TENM3: variants seen among roughly 807,000 people sequenced by gnomAD.
TENM3 encodes teneurin-3.
In TENM3, 63 loss-of-function variants were observed where a neutral mutation model predicts 255.1. The observed-to-expected ratio is 0.25, with a 90% CI of 0.20 to 0.30. The LOEUF (loss-of-function observed/expected upper bound fraction) is 0.30, where lower values mean the gene tolerates loss of function less well. TENM3 is among the 10% of genes least tolerant of loss of function. TENM3 has a pLI of 1.00. For synonymous variants in TENM3, 1,306 were observed against 1,322.3 expected (o/e 0.99, Z 0.27); for missense variants, 2,929 against 3,461.1 (o/e 0.85, Z 3.86).
At chr4:181,592,256 A>AACACACAC in the TENM3 span, among the ~76,000 whole-genome samples, 1,397 of 148,406 alleles carry the variant, frequency 9.4e-3, 11 homozygotes, top group South Asian at 0.03. Flanking sequence ...TTTAAACACA[A>AACACACAC]ACACACACAC....
chr4:181,620,205 G>C, the TENM3 span, among the ~76,000 whole-genome samples: 1 of 152,036 alleles, frequency 6.6e-6, no homozygotes, highest in Non-Finnish European at 1.5e-5. Context: ...AGGCTGCAGT[G>C]AGCTGTCATT....
At chr4:182,092,048 A>G in the TENM3 span, among the ~76,000 whole-genome samples, 106 of 152,348 alleles carry the variant, frequency 7.0e-4, no homozygotes, top group Non-Finnish European at 1.3e-3. Context: ...AAGAACATCA[A>G]GAATAAACTA....
chr4:182,444,025 G>A (rs1203700888), intron 3 of TENM3, among the ~76,000 whole-genome samples: 1 of 152,144 alleles, frequency 6.6e-6, no homozygotes, highest in Non-Finnish European at 1.5e-5. Flanking sequence ...TATGTCTATT[G>A]TGGGTGGATT....
intron 1 of TENM3, among the ~76,000 whole-genome samples, chr4:182,290,811 T>A (rs959658174): frequency 1.4e-5 from 2 of 144,880 alleles, no homozygotes; most frequent in Non-Finnish European, 3.0e-5. Flanking sequence ...CCAAAAAGCC[T>A]TTTAAATAGG....
At chr4:181,921,944 A>AG in the TENM3 span, among the ~76,000 whole-genome samples, 1 of 152,098 alleles carries the variant, frequency 6.6e-6, no homozygotes, top group African/African-American at 2.4e-5. Flanking sequence ...TTTAGCATGA[A>AG]AGTTGTTGAA....
the TENM3 span, among the ~76,000 whole-genome samples, chr4:181,609,464 C>T: frequency 2.0e-5 from 3 of 152,168 alleles, no homozygotes; most frequent in Admixed American, 6.5e-5. Flanking sequence ...AGTGTTCTTA[C>T]CATTAGGAGA....
rs2309777 is a variant in TENM3 at position 182,801,590 on chromosome 4, T to C, written c.*1239T>C. 0.41 allele frequency: 62,577 copies of C among 151,984 alleles called. 14,138 individuals are homozygous for C. Among genetic ancestry groups the C allele is most frequent in the African/African-American group, 0.62 (25,559 of 41,458 alleles). 9.4% of individuals were successfully genotyped at this position (151,984 alleles called of 1,614,324 possible). A position where few individuals can be genotyped will look rare whatever the true frequency, so the allele number is the denominator to read the frequency against. On this transcript the variant is annotated 3_prime_UTR_variant, in exon 28 of 28. Coordinates refer to ENST00000511685, the MANE Select transcript of TENM3 (RefSeq NM_001080477.4). ...GAGACCACATCAGATGCTGGGGAAATAGGAGGAGGAAAGGTTCTGATGTAG... is the reference window on the plus strand; with the variant it reads ...GAGACCACATCAGATGCTGGGGAAACAGGAGGAGGAAAGGTTCTGATGTAG...
At chr4:181,662,285 C>G in the TENM3 span, among the ~76,000 whole-genome samples, 1 of 152,118 alleles carries the variant, frequency 6.6e-6, no homozygotes, top group Non-Finnish European at 1.5e-5. Context: ...GTATTCAATT[C>G]TGAGTTTGCA....
Position 182,357,937 on chromosome 4 carries a change from G to C in TENM3, c.511+11008G>C, listed in dbSNP as rs1765678627. On this transcript the variant is annotated intron_variant, in intron 3 of 27. Transcript: ENST00000511685. ...ATCCAGTTTCAGCTTTCTACATATG[G>C]CTAGCCAGTTTTCCCAGCACCATTT... Among the ~76,000 whole-genome samples, 8 of 150,940 alleles carry C rather than the reference G, an allele frequency of 5.3e-5. No homozygotes were observed. The South Asian group carries it at 1.7e-3, about 31-fold the overall frequency.
intron 3 of TENM3, among the ~76,000 whole-genome samples, chr4:182,369,608 T>A (rs1409365005): frequency 6.6e-6 from 1 of 152,164 alleles, no homozygotes; most frequent in Non-Finnish European, 1.5e-5. Context: ...TGGCCAGGTG[T>A]AGTGGCTCAT....
At chr4:182,486,414 G>A (rs1239420419) in intron 3 of TENM3, among the ~76,000 whole-genome samples, 2 of 151,940 alleles carry the variant, frequency 1.3e-5, no homozygotes, top group Non-Finnish European at 2.9e-5. Flanking sequence ...ATATTAACTG[G>A]CTGGATGGCC....
the TENM3 span, among the ~76,000 whole-genome samples, chr4:181,843,766 C>T: frequency 7.3e-6 from 1 of 136,584 alleles, no homozygotes; most frequent in Non-Finnish European, 1.5e-5. Context: ...GTCGCCCAGG[C>T]TGGAGTGCAG....
At chr4:181,762,845 A>G in the TENM3 span, among the ~76,000 whole-genome samples, 1 of 152,172 alleles carries the variant, frequency 6.6e-6, no homozygotes, top group African/African-American at 2.4e-5. Context: ...CTCTAGTTGT[A>G]TTTGAATTAA....
chr4:182,388,751 GA>G (rs2150967315), intron 3 of TENM3, among the ~76,000 whole-genome samples: 1 of 152,262 alleles, frequency 6.6e-6, no homozygotes, highest in South Asian at 2.1e-4. Flanking sequence ...GATCATAAAG[GA>G]AATTGAATGT....
the TENM3 span, among the ~76,000 whole-genome samples, chr4:181,558,583 T>C: frequency 6.6e-6 from 1 of 152,240 alleles, no homozygotes; most frequent in South Asian, 2.1e-4. Flanking sequence ...TGGATGCATT[T>C]ATGAAATAAT....
intron 1 of TENM3, among the ~76,000 whole-genome samples, chr4:182,271,688 C>A: frequency 6.6e-6 from 1 of 152,176 alleles, no homozygotes; most frequent in South Asian, 2.1e-4. Context: ...ACGGGGCTTC[C>A]CATCTTCAAT....
At chr4:182,370,105 T>A (rs1251326773) in intron 3 of TENM3, among the ~76,000 whole-genome samples, 2 of 152,216 alleles carry the variant, frequency 1.3e-5, no homozygotes, top group African/African-American at 2.4e-5. Context: ...ACAAAGCTAA[T>A]TTTGCAAAGT....
chr4:182,764,324 C>T (rs1458850920), intron 22 of TENM3, among the ~76,000 whole-genome samples: 1 of 152,186 alleles, frequency 6.6e-6, no homozygotes, highest in African/African-American at 2.4e-5. Context: ...CAGCTACTGG[C>T]CTTAGGTGCT....
At chr4:181,854,409 G>A in the TENM3 span, among the ~76,000 whole-genome samples, 4 of 152,128 alleles carry the variant, frequency 2.6e-5, no homozygotes, top group South Asian at 2.1e-4. Context: ...AGGCAAGCTC[G>A]TTCAGAAAAG....
Sources: allele counts gnomAD v4.1 joint callset (sites outside exome capture counted in the v4.1 genomes callset), GRCh38; gene constraint gnomAD v4.1.1; transcripts MANE v1.5; gene names NCBI Gene and HGNC (gene_info 2026-07-23, HGNC 2026-07-21).